Variants in CAPN12 observed in about 807,000 individuals in gnomAD.
The protein encoded by CAPN12 is calpain-12.
In CAPN12, 107 loss-of-function variants were observed where a neutral mutation model predicts 95.0. The ratio of observed to expected loss-of-function variants is 1.13; its 90% CI spans 0.96 to 1.32. The LOEUF (loss-of-function observed/expected upper bound fraction) is 1.32. CAPN12 is among the 40% of genes most tolerant of loss of function. The pLI is 0.00. For synonymous variants in CAPN12, 505 were observed against 415.5 expected (o/e 1.22, Z -2.62); for missense variants, 1,136 against 997.8 (o/e 1.14, Z -1.87).
chr19:38,735,626 C>T (rs776484784), intron 12 of CAPN12, 82 bp from the exon 13 acceptor site: 6 of 1,412,642 alleles, frequency 4.2e-6, no homozygotes, highest in South Asian at 1.3e-5. Flanking sequence ...GGTGAGGAAT[C>T]GCGTGGGGTC....
intron 18 of CAPN12, among the ~76,000 whole-genome samples, chr19:38,732,565 T>G (rs755793617): frequency 1.2e-4 from 18 of 152,202 alleles, no homozygotes; most frequent in Non-Finnish European, 2.1e-4. Context: ...ACTCCTAGGC[T>G]CAAGCAATCT....
chr19:38,733,966 AC>A, intron 17 of CAPN12, 175 bp downstream of exon 17: 1 of 799,058 alleles, frequency 1.3e-6, no homozygotes, highest in Non-Finnish European at 2.0e-6. Flanking sequence ...AAGAGCAATG[AC>A]CCAGAGGACA....
chr19:38,736,156 C>CCTCGTCGCCGGCGTGGGCGGTG lies in CAPN12; in HGVS notation c.1515_1536dup (p.Ala513HisfsTer9). The CCTCGTCGCCGGCGTGGGCGGTG allele has an allele frequency of 1.3e-6, 2 of 1,514,962 alleles. No homozygotes were observed. Among genetic ancestry groups the CCTCGTCGCCGGCGTGGGCGGTG allele is most frequent in the Admixed American group, 2.1e-5 (1 of 48,574 alleles). The allele number at this position is 1,514,962 out of a possible 1,614,324, so 93.8% of individuals were successfully genotyped here. On this transcript the variant is annotated frameshift_variant, in exon 12 of 21. Coordinates refer to ENST00000328867, the MANE Select transcript of CAPN12 (RefSeq NM_144691.4). LOFTEE classifies it high-confidence loss of function. Reference sequence around the variant, plus strand: ...GAGAAGACACGCAGAGTGAAGTCAGCCTCGTCGCCGGCGTGGGCGGTGCTC... The same window carrying CCTCGTCGCCGGCGTGGGCGGTG: ...GAGAAGACACGCAGAGTGAAGTCAGCCTCGTCGCCGGCGTGGGCGGTGCTCGTCGCCGGCGTGGGCGGTGCTC...
At chr19:38,733,626 A>T in intron 18 of CAPN12, 77 bp downstream of exon 18, 18 of 1,325,606 alleles carry the variant, frequency 1.4e-5, no homozygotes, top group Non-Finnish European at 1.9e-5. Context: ...GCCACAGCTG[A>T]GCAGGGGGAC....
chr19:38,736,399 CCTGCCTAACCCCTGTCCACG>C, intron 11 of CAPN12, 81 bp from the exon 12 acceptor site: 1 of 1,497,158 alleles, frequency 6.7e-7, no homozygotes, highest in South Asian at 1.3e-5. Flanking sequence ...CCCCGTCCAC[CCTGCCTAACCCCTGTCCACG>C]CCTCCCCTGC....
intron 18 of CAPN12, among the ~76,000 whole-genome samples, chr19:38,732,585 C>T (rs578058174): frequency 6.6e-6 from 1 of 152,356 alleles, no homozygotes; most frequent in Non-Finnish European, 1.5e-5. Flanking sequence ...TGGCAATCTG[C>T]CTGCCTTAGC....
rs780033166 is a variant in CAPN12 at position 38,734,157 on chromosome 19, G to A, written c.1863C>T (p.Tyr621=). Reference sequence around the variant, plus strand: ...CCCACCTCACCTGCCACTCCAGGAGGTAGCCCCAGAGCTGCTGGAAGTGGT... The same window carrying A: ...CCCACCTCACCTGCCACTCCAGGAGATAGCCCCAGAGCTGCTGGAAGTGGT... ...ALHHFQQLWG[Y]LLEWQAIFNK... is the part of the protein sequence containing the mutation. Residue 621 remains tyrosine (Y), a synonymous_variant, in exon 17 of 21, where the codon TAC becomes TAT. Coordinates refer to ENST00000328867, the MANE Select transcript of CAPN12 (RefSeq NM_144691.4). 10 of 1,612,902 alleles carry A rather than the reference G, an allele frequency of 6.2e-6. No individual in the cohort carries two copies. Among genetic ancestry groups the A allele is most frequent in the East Asian group, 2.2e-5 (1 of 44,900 alleles).
Position 38,737,011 on chromosome 19 carries a change from TC to T in CAPN12, c.1362+144del, listed in dbSNP as rs71165571. 0.54 allele frequency: 44,121 copies of T among 81,408 alleles called. 12,220 individuals are homozygous for T. The highest frequency in any genetic ancestry group is 0.64 in the East Asian group (1,441 of 2,248). 5.0% of individuals were successfully genotyped at this position (81,408 alleles called of 1,614,324 possible). On this transcript the variant is annotated intron_variant, in intron 10 of 20. Coordinates refer to ENST00000328867, the MANE Select transcript of CAPN12 (RefSeq NM_144691.4). ...CTCTTCAGTCCCACCCCTCCACCAC[TC>T]CCCCTCTTCCCCCTTGGCCCCGCCC...
chr19:38,742,027 A>G, intron 3 of CAPN12, 117 bp from the exon 4 acceptor site: 1 of 1,435,032 alleles, frequency 7.0e-7, no homozygotes, highest in African/African-American at 1.4e-5. Context: ...AACGTTAACT[A>G]TGAAATCCAT....
Position 38,742,513 on chromosome 19 carries a change from A to G in CAPN12, c.323T>C (p.Leu108Pro). 6.2e-7 allele frequency: 1 copy of G among 1,611,676 alleles called. No individual in the cohort carries two copies. The highest frequency in any genetic ancestry group is 8.5e-7 in the Non-Finnish European group (1 of 1,178,752). Residue 108 changes from leucine to proline, a missense_variant, in exon 3 of 21, where the codon CTT becomes CCT. Coordinates refer to ENST00000328867, the MANE Select transcript of CAPN12 (RefSeq NM_144691.4). The part of the protein sequence containing the change: ...CQGSLGNCWF[L>P]AAAASLTLYP... The stretch of plus-strand genomic sequence containing the variant: ...CAGAGTAAGGGAGGCGGCAGCTGCA[A>G]GGAACCAGCAGTTACCTGGGAGGAG...
intron 10 of CAPN12, chr19:38,736,901 C>T: frequency 4.2e-6 from 2 of 474,676 alleles, no homozygotes; most frequent in South Asian, 6.1e-5. Context: ...GAGACCTGGC[C>T]CCCCAGCCCT....
In CAPN12 at chr19:38,744,107, C is replaced by T. The variant is rs1970752482; in HGVS notation, c.59G>A (p.Gly20Glu). The T allele has an allele frequency of 6.2e-7, 1 of 1,614,176 alleles. No homozygotes were observed. Among genetic ancestry groups the T allele is most frequent in the Non-Finnish European group, 8.5e-7 (1 of 1,180,044 alleles). ...CCGAAAAAGCTGCAGGCGCCCGGCTCCGACCCCAGCCTCCTCATCCACGAG... is the reference window on the plus strand; with the variant it reads ...CCGAAAAAGCTGCAGGCGCCCGGCTTCGACCCCAGCCTCCTCATCCACGAG... Reference protein sequence around the residue: ...IQLVDEEAGVGAGRLQLFRGQ... With the variant: ...IQLVDEEAGVEAGRLQLFRGQ... Residue 20 changes from glycine to glutamate, a missense_variant, in exon 1 of 21, where the codon GGA (glycine) becomes GAA (glutamate). Transcript: ENST00000328867.
chr19:38,733,671 T>G (rs1366864703), intron 18 of CAPN12, 32 bp downstream of exon 18: 1 of 1,586,064 alleles, frequency 6.3e-7, no homozygotes, highest in East Asian at 2.2e-5. Context: ...ACAGGTCCTG[T>G]CCCCACGACC....
chr19:38,734,848 T>C lies in CAPN12; in HGVS notation c.1709A>G (p.Gln570Arg), dbSNP rs1480782464. The change falls in exon 15 of 21, where the codon CAG becomes CGG. Residue 570 changes from glutamine to arginine, a missense_variant. Coordinates refer to ENST00000328867, the MANE Select transcript of CAPN12 (RefSeq NM_144691.4). ...GGCAATGCTTAGTAAGGCCTGGAGC[T>C]GAGAGGCATTGAGTTCTTCCTCCTA... is the stretch of plus-strand genomic sequence containing the variant. ...AGEEEELNASQLQALLSIALE... is the reference protein window; with the variant it reads ...AGEEEELNASRLQALLSIALE... The C allele has an allele frequency of 6.2e-7, 1 of 1,612,512 alleles. No individual in the cohort carries two copies. Among genetic ancestry groups the C allele is most frequent in the Non-Finnish European group, 8.5e-7 (1 of 1,179,824 alleles).
At position 38,742,483 on chromosome 19, in the gene CAPN12, G is replaced by A; in HGVS notation, c.353C>T (p.Pro118Leu). Reference sequence around the variant, plus strand: ...AGGGACCACCCGGCGCAGGAGCCGGGGATACAGAGTAAGGGAGGCGGCAGC... The same window carrying A: ...AGGGACCACCCGGCGCAGGAGCCGGAGATACAGAGTAAGGGAGGCGGCAGC... ...LAAAASLTLY[P>L]RLLRRVVPPG... Residue 118 changes from proline to leucine, a missense_variant, in exon 3 of 21, where the codon CCC becomes CTC. Pro to Leu is a moderately conservative substitution (Grantham distance 98). Coordinates refer to ENST00000328867, the MANE Select transcript of CAPN12 (RefSeq NM_144691.4). 1 of 1,613,766 alleles carries A rather than the reference G, an allele frequency of 6.2e-7. No individual in the cohort carries two copies. Among genetic ancestry groups the A allele is most frequent in the Non-Finnish European group, 8.5e-7 (1 of 1,179,826 alleles).
chr19:38,736,467 T>TTTGACCAAGCCCCAGGGCAGG (rs202243527), intron 11 of CAPN12, 85 bp downstream of exon 11: 77,490 of 1,419,818 alleles, frequency 0.055, 4,009 homozygotes, highest in Middle Eastern at 0.09. Flanking sequence ...CCCAGGGCAG[T>TTTGACCAAGCCCCAGGGCAGG]TTGACCAAGC....
At chr19:38,735,639 G>A in intron 12 of CAPN12, 95 bp from the exon 13 acceptor site, 2 of 1,187,180 alleles carry the variant, frequency 1.7e-6, no homozygotes, top group Non-Finnish European at 1.2e-6. Flanking sequence ...GTGGGGTCTA[G>A]GTAGGGACCG....
chr19:38,735,504 GGA>G lies in CAPN12; in HGVS notation c.1622_1623del (p.Leu541ProfsTer57), dbSNP rs1457741702. 2 of 1,611,212 alleles carry G rather than the reference GGA, an allele frequency of 1.2e-6. No homozygotes were observed. Among genetic ancestry groups the G allele is most frequent in the East Asian group, 2.2e-5 (1 of 44,638 alleles). The stretch of plus-strand genomic sequence containing the variant: ...GCCCCTCCAGGAACAGTCCCCACCT[GGA>G]GAGACTGCAGGTCTGCGCTGATCAC... ...DDVISADLQS[L>X]QGPYLPLELG... On this transcript the variant is annotated frameshift_variant, in exon 13 of 21. Transcript: ENST00000328867. LOFTEE classifies it high-confidence loss of function.
At chr19:38,740,800 CAA>C (rs34848133) in intron 4 of CAPN12, among the ~76,000 whole-genome samples, 49 of 130,994 alleles carry the variant, frequency 3.7e-4, no homozygotes, top group South Asian at 4.9e-4. Context: ...AACTCCATCT[CAA>C]AAAAAAAAAA....
Sources: gnomAD v4.1 joint callset for allele counts (sites outside exome capture counted in the v4.1 genomes callset) on GRCh38, gnomAD v4.1.1 for gene constraint, MANE v1.5 for transcripts, NCBI Gene and HGNC (gene_info 2026-07-23, HGNC 2026-07-21) for gene names.